Variants in COG5 observed in about 807,000 individuals in gnomAD.
COG5 encodes component of oligomeric golgi complex 5.
In COG5, 86 loss-of-function variants were observed where a neutral mutation model predicts 110.4. The ratio of observed to expected loss-of-function variants is 0.78; its 90% CI spans 0.65 to 0.93. COG5 has a LOEUF of 0.93. COG5 is among the 40% of genes least tolerant of loss of function. The pLI is 0.00. For synonymous variants in COG5, 360 were observed against 334.6 expected, an observed-to-expected ratio of 1.08 and a Z score of -0.83; for missense variants, 1,077 against 987.0, an observed-to-expected ratio of 1.09 and a Z score of -1.22.
At chr7:107,289,887 T>C (rs1450905531) in intron 12 of COG5, among the ~76,000 whole-genome samples, 2 of 152,184 alleles carry the variant, frequency 1.3e-5, no homozygotes, top group East Asian at 1.9e-4. Context: ...AAACTTGCTA[T>C]GCCAAAGATA....
chr7:107,558,745 G>A (rs543930507), intron 1 of COG5, among the ~76,000 whole-genome samples: 10 of 151,296 alleles, frequency 6.6e-5, no homozygotes, highest in East Asian at 1.9e-4. Flanking sequence ...AAAATTAGCC[G>A]GGCGTGGTGG....
chr7:107,514,762 A>G (rs1311711067), intron 6 of COG5, among the ~76,000 whole-genome samples: 2 of 152,204 alleles, frequency 1.3e-5, no homozygotes, highest in South Asian at 2.1e-4. Flanking sequence ...CACATAGTAG[A>G]TATTCAATAA....
At chr7:107,529,790 GTC>G (rs752300163) in intron 5 of COG5, among the ~76,000 whole-genome samples, 6 of 152,024 alleles carry the variant, frequency 3.9e-5, no homozygotes, top group Non-Finnish European at 5.9e-5. Context: ...ATGTACCTTG[GTC>G]TCTTTTTCTG....
intron 14 of COG5, among the ~76,000 whole-genome samples, chr7:107,273,971 T>C (rs1376123651): frequency 6.6e-6 from 1 of 152,220 alleles, no homozygotes; most frequent in Non-Finnish European, 1.5e-5. Context: ...GGAAAAAGTC[T>C]TTTGATTTTT....
chr7:107,443,958 G>C (rs1426345960), intron 6 of COG5, among the ~76,000 whole-genome samples: 1 of 152,150 alleles, frequency 6.6e-6, no homozygotes, highest in African/African-American at 2.4e-5. Context: ...TACAGATTCT[G>C]CACAAATTAA....
intron 1 of COG5, among the ~76,000 whole-genome samples, chr7:107,563,018 A>G (rs1804015367): frequency 1.3e-5 from 2 of 152,212 alleles, no homozygotes. Context: ...GCCACTAGAG[A>G]AAAAATTAAG....
chr7:107,385,430 G>C (rs1171749067), intron 7 of COG5, among the ~76,000 whole-genome samples: 1 of 152,170 alleles, frequency 6.6e-6, no homozygotes, highest in Non-Finnish European at 1.5e-5. Flanking sequence ...AAGGGTAACA[G>C]AAAACAATAC....
intron 6 of COG5, among the ~76,000 whole-genome samples, chr7:107,521,741 T>C (rs1800332176): frequency 6.6e-6 from 1 of 152,218 alleles, no homozygotes. Context: ...CTCAAGTATC[T>C]AGAACCAGAA....
At chr7:107,391,245 G>C (rs919093556) in intron 7 of COG5, among the ~76,000 whole-genome samples, 3 of 152,148 alleles carry the variant, frequency 2.0e-5, no homozygotes, top group Non-Finnish European at 4.4e-5. Flanking sequence ...CTGGGAGTCT[G>C]TAAGCTGCCT....
Position 107,474,574 on chromosome 7 carries a change from T to C in COG5, c.538+52663A>G. On this transcript the variant is annotated intron_variant, in intron 6 of 21. Coordinates refer to ENST00000297135, the MANE Select transcript of COG5 (RefSeq NM_006348.5). The surrounding 1 kb of genome is among the most constrained non-coding windows in gnomAD (Gnocchi z 5.7). The stretch of plus-strand genomic sequence containing the variant: ...CATTTGGATTTTTTCTTTTTTCTCT[T>C]TCCTGATTCCTTTTATTGAGGTAAA... The C allele has an allele frequency of 6.2e-7, 1 of 1,610,670 alleles. No individual in the cohort carries two copies. The highest frequency in any genetic ancestry group is 1.1e-5 in the South Asian group (1 of 90,516).
In COG5 at chr7:107,554,344, T is replaced by C. The variant is rs778692097; in HGVS notation, c.235-2A>G. 4.3e-6 allele frequency: 7 copies of C among 1,613,490 alleles called. No individual in the cohort carries two copies. The highest frequency in any genetic ancestry group is 5.9e-6 in the Non-Finnish European group (7 of 1,179,448). ...TAAATCTTCATGTCTTGCAACAACC[T>C]GAAAATCAAAAATAAATGATTAGCT... On this transcript the variant is annotated splice_acceptor_variant, in intron 2 of 21. Transcript: ENST00000297135. LOFTEE classifies it high-confidence loss of function.
intron 10 of COG5, among the ~76,000 whole-genome samples, chr7:107,335,396 TAATAA>T (rs558033860): frequency 1.4e-4 from 22 of 152,172 alleles, no homozygotes; most frequent in Non-Finnish European, 2.9e-4. Context: ...TCTCAAAAAG[TAATAA>T]AATAAAACAA....
intron 6 of COG5, among the ~76,000 whole-genome samples, chr7:107,499,600 T>C (rs1352399118): frequency 6.6e-6 from 1 of 151,644 alleles, no homozygotes; most frequent in East Asian, 1.9e-4. Flanking sequence ...AGAGGTGGGG[T>C]TTCACCATGT....
chr7:107,286,351 C>T (rs890167899), intron 12 of COG5, among the ~76,000 whole-genome samples: 2 of 152,154 alleles, frequency 1.3e-5, no homozygotes, highest in African/African-American at 4.8e-5. Flanking sequence ...TACATGACCC[C>T]TTCTTGCTTC....
intron 11 of COG5, among the ~76,000 whole-genome samples, chr7:107,313,355 A>C (rs1297536827): frequency 1.3e-5 from 2 of 152,232 alleles, no homozygotes; most frequent in African/African-American, 2.4e-5. Flanking sequence ...GGAATGCCAG[A>C]GGAAGACAAT....
intron 12 of COG5, among the ~76,000 whole-genome samples, chr7:107,297,525 T>C (rs977907187): frequency 7.2e-6 from 1 of 139,652 alleles, no homozygotes; most frequent in Non-Finnish European, 1.5e-5. Flanking sequence ...CTCAGCTCAC[T>C]GCTGCCTCCG....
intron 11 of COG5, among the ~76,000 whole-genome samples, chr7:107,303,396 T>C (rs1807447616): frequency 6.6e-6 from 1 of 152,110 alleles, no homozygotes; most frequent in Non-Finnish European, 1.5e-5. Flanking sequence ...AAGTATTATA[T>C]ATTTAAATCT....
chr7:107,226,619 C>A (rs551752064), intron 19 of COG5, among the ~76,000 whole-genome samples: 1 of 152,322 alleles, frequency 6.6e-6, no homozygotes, highest in South Asian at 2.1e-4. Flanking sequence ...GCTTTCCCAA[C>A]AATGGTGCGG....
chr7:107,346,999 G>T (rs1412494844), intron 10 of COG5, among the ~76,000 whole-genome samples: 1 of 152,032 alleles, frequency 6.6e-6, no homozygotes. Flanking sequence ...TTTCAATTTT[G>T]ATGAAAAATG....
Sources: gnomAD v4.1 joint callset for allele counts (sites outside exome capture counted in the v4.1 genomes callset) on GRCh38, gnomAD v4.1.1 for gene constraint, Gnocchi (gnomAD v3.1) non-coding constraint, MANE v1.5 for transcripts, NCBI Gene and HGNC (gene_info 2026-07-23, HGNC 2026-07-21) for gene names.